The following GPHN variants were observed in gnomAD, a reference collection of about 807,000 sequenced individuals.
GPHN encodes the protein gephyrin.
In GPHN, 17 loss-of-function variants were observed where a neutral mutation model predicts 95.5. The ratio of observed to expected loss-of-function variants is 0.18; its 90% CI spans 0.12 to 0.27. The LOEUF (loss-of-function observed/expected upper bound fraction) is 0.27, where lower values mean the gene tolerates loss of function less well. Ranked by LOEUF, GPHN falls within the 10% of genes least tolerant of loss-of-function variation. The pLI is 1.00. For missense variants in GPHN, 660 were observed against 978.1 expected (o/e 0.67, Z 4.34); for synonymous variants, 320 against 322.5 (o/e 0.99, Z 0.08).
chr14:66,776,337 T>C lies in GPHN; in HGVS notation c.144-127T>C, dbSNP rs891649505. 7 of 734,124 alleles carry C rather than the reference T, an allele frequency of 9.5e-6. No individual in the cohort carries two copies. The African/African-American group carries it at 1.0e-4, about 11-fold the overall frequency. 45.5% of individuals were successfully genotyped at this position (734,124 alleles called of 1,614,324 possible). A position where few individuals can be genotyped will look rare whatever the true frequency, so the allele number is the denominator to read the frequency against. On this transcript the variant is annotated intron_variant, in intron 2 of 22. Coordinates refer to ENST00000478722, the MANE Select transcript of GPHN (RefSeq NM_020806.5). ...AAATATATGCACAAAATGGTTGTTT[T>C]TCCTCCATGGTTGTTGGGGTGAATA...
chr14:66,861,932 T>C (rs2063039657), intron 4 of GPHN, among the ~76,000 whole-genome samples: 1 of 151,290 alleles, frequency 6.6e-6, no homozygotes, highest in Non-Finnish European at 1.5e-5. Flanking sequence ...CTCAGAGAAC[T>C]AGAAAAGCAA....
chr14:67,306,885 T>G, the GPHN span, among the ~76,000 whole-genome samples: 1 of 152,188 alleles, frequency 6.6e-6, no homozygotes, highest in Non-Finnish European at 1.5e-5. Context: ...ATTTATTGAG[T>G]ATCATTATGG....
chr14:66,554,863 T>C (rs905426575), intron 1 of GPHN, among the ~76,000 whole-genome samples: 1 of 152,230 alleles, frequency 6.6e-6, no homozygotes, highest in Non-Finnish European at 1.5e-5. Flanking sequence ...GTACCTCCAA[T>C]GTGGACTGTT....
chr14:67,695,684 G>A, the GPHN span: 1 of 1,614,178 alleles, frequency 6.2e-7, no homozygotes, highest in African/African-American at 1.3e-5. Flanking sequence ...GAGCAACAGC[G>A]GGAACATGAG....
chr14:66,694,710 G>T (rs2068004429), intron 2 of GPHN, among the ~76,000 whole-genome samples: 1 of 152,178 alleles, frequency 6.6e-6, no homozygotes, highest in African/African-American at 2.4e-5. Flanking sequence ...ATATTGGTAA[G>T]CTGGGCTTCA....
intron 3 of GPHN, among the ~76,000 whole-genome samples, chr14:66,797,572 A>G (rs1163872865): frequency 6.6e-6 from 1 of 151,698 alleles, no homozygotes; most frequent in Non-Finnish European, 1.5e-5. Flanking sequence ...ATTCCTAAGT[A>G]TTTACTTTTG....
intron 2 of GPHN, among the ~76,000 whole-genome samples, chr14:66,743,972 G>T (rs2153442472): frequency 6.6e-6 from 1 of 152,116 alleles, no homozygotes; most frequent in African/African-American, 2.4e-5. Flanking sequence ...ATTACCCTCA[G>T]AATTAAACCT....
At chr14:66,771,641 T>C (rs1367336066) in intron 2 of GPHN, among the ~76,000 whole-genome samples, 5 of 151,946 alleles carry the variant, frequency 3.3e-5, no homozygotes, top group African/African-American at 9.7e-5. Flanking sequence ...TAGTTACATA[T>C]GTATACATGT....
At chr14:67,077,650 T>C (rs137995709) in intron 11 of GPHN, among the ~76,000 whole-genome samples, 1 of 152,306 alleles carries the variant, frequency 6.6e-6, no homozygotes, top group East Asian at 1.9e-4. Context: ...GATAAAGACT[T>C]TTTCTAAAGA....
At chr14:67,555,935 G>A in the GPHN span, 9 of 1,591,364 alleles carry the variant, frequency 5.7e-6, no homozygotes, top group Admixed American at 5.3e-5. Flanking sequence ...AATGACCGTC[G>A]GCCCTTCCAG....
chr14:67,166,215 T>G, intron 20 of GPHN, among the ~76,000 whole-genome samples: 1 of 152,204 alleles, frequency 6.6e-6, no homozygotes, highest in East Asian at 1.9e-4. Flanking sequence ...TGTAGAAAAT[T>G]TTCAGAGAGA....
At chr14:67,645,861 T>C in the GPHN span, 19 of 1,579,444 alleles carry the variant, frequency 1.2e-5, no homozygotes, top group Non-Finnish European at 1.5e-5. Context: ...CTGGAGTTGG[T>C]CTAGTTCAGT....
chr14:67,520,961 C>T, the GPHN span, among the ~76,000 whole-genome samples: 25 of 152,236 alleles, frequency 1.6e-4, no homozygotes, highest in African/African-American at 5.8e-4. Flanking sequence ...TGTTGCTTCA[C>T]ATCCTCATCT....
At chr14:67,690,808 C>A in the GPHN span, 8 of 370,370 alleles carry the variant, frequency 2.2e-5, no homozygotes, top group Non-Finnish European at 3.4e-5. Flanking sequence ...CATAGCAAGA[C>A]CCTGTCTTTA....
chr14:67,363,760 A>G, the GPHN span, among the ~76,000 whole-genome samples: 3 of 152,234 alleles, frequency 2.0e-5, no homozygotes, highest in African/African-American at 7.2e-5. Context: ...GAGAAGATAT[A>G]GGCAGGTGCC....
At chr14:67,574,400 C>T in the GPHN span, 1 of 1,562,332 alleles carries the variant, frequency 6.4e-7, no homozygotes, top group Admixed American at 2.0e-5. The surrounding 1 kb of genome is among the most constrained non-coding windows in gnomAD (Gnocchi z 4.2). Flanking sequence ...GCTGGCTGAC[C>T]AAGGTAGAGG....
At chr14:67,379,145 C>T in the GPHN span, among the ~76,000 whole-genome samples, 1,425 of 152,200 alleles carry the variant, frequency 9.4e-3, 23 homozygotes, top group African/African-American at 0.032. Context: ...CCTTCTGTGC[C>T]ATTTGTCAAA....
chr14:67,616,538 AATT>A, the GPHN span: 3,502 of 152,842 alleles, frequency 0.023, 128 homozygotes, highest in African/African-American at 0.079. Flanking sequence ...AAGTACATAC[AATT>A]ATTATTATTA....
chr14:67,674,495 A>G, the GPHN span: 12 of 1,596,316 alleles, frequency 7.5e-6, no homozygotes, highest in Admixed American at 1.0e-4. Flanking sequence ...GCCATGGCGC[A>G]GGCCGCGCTG....
Sources: gnomAD v4.1 joint callset for allele counts (sites outside exome capture counted in the v4.1 genomes callset) on GRCh38, gnomAD v4.1.1 for gene constraint, Gnocchi (gnomAD v3.1) non-coding constraint, MANE v1.5 for transcripts, NCBI Gene and HGNC (gene_info 2026-07-23, HGNC 2026-07-21) for gene names.